The following TBC1D32 variants were observed in gnomAD, a reference collection of about 807,000 sequenced individuals.
TBC1D32 encodes the protein TBC1 domain family member 32.
TBC1D32 carries 151 observed loss-of-function variants against 170.3 expected under a neutral mutation model. The ratio of observed to expected loss-of-function variants is 0.89; its 90% confidence interval spans 0.78 to 1.01. The LOEUF is 1.01. Ranked by LOEUF, TBC1D32 falls within the 50% of genes least tolerant of loss-of-function variation. The pLI is 0.00. For synonymous variants in TBC1D32, 498 were observed against 488.0 expected (o/e 1.02, Z -0.27); for missense variants, 1,464 against 1,457.1 (o/e 1.00, Z -0.08).
chr6:121,159,138 C>G (rs1294456065), intron 24 of TBC1D32, among the ~76,000 whole-genome samples: 1 of 152,186 alleles, frequency 6.6e-6, no homozygotes, highest in African/African-American at 2.4e-5. Context: ...TATACATATT[C>G]TTCTTTGGAA....
At chr6:121,215,220 A>C (rs1793672053) in intron 21 of TBC1D32, among the ~76,000 whole-genome samples, 1 of 152,018 alleles carries the variant, frequency 6.6e-6, no homozygotes, top group African/African-American at 2.4e-5. Flanking sequence ...GTAAGTCCTC[A>C]CTCCAGTCTG....
intron 25 of TBC1D32, chr6:121,129,827 T>C (rs1781236676): frequency 4.8e-6 from 2 of 418,704 alleles, no homozygotes; most frequent in South Asian, 3.5e-5. Context: ...GTAGATACTA[T>C]TGGTAATAAT....
At chr6:121,106,982 A>C (rs983233787) in intron 29 of TBC1D32, among the ~76,000 whole-genome samples, 1 of 151,940 alleles carries the variant, frequency 6.6e-6, no homozygotes, top group Non-Finnish European at 1.5e-5. Flanking sequence ...ACAAAGAGTA[A>C]TAAACCTGAA....
chr6:121,101,582 G>A (rs1030278357), intron 30 of TBC1D32, among the ~76,000 whole-genome samples: 49 of 152,116 alleles, frequency 3.2e-4, no homozygotes, highest in African/African-American at 1.1e-3. Flanking sequence ...TTGATGGGAC[G>A]TATCTCAAAA....
At chr6:121,327,525 A>G (rs1046329707) in intron 1 of TBC1D32, among the ~76,000 whole-genome samples, 2 of 152,230 alleles carry the variant, frequency 1.3e-5, no homozygotes, top group Non-Finnish European at 2.9e-5. Context: ...GGATACCTCA[A>G]GAAGACTTTC....
At chr6:121,329,570 T>C (rs1225603628) in intron 1 of TBC1D32, among the ~76,000 whole-genome samples, 1 of 152,082 alleles carries the variant, frequency 6.6e-6, no homozygotes, top group Non-Finnish European at 1.5e-5. Context: ...GAGAATCACT[T>C]GAACCTGGGA....
chr6:121,324,157 T>C (rs1462137489), intron 1 of TBC1D32, among the ~76,000 whole-genome samples: 1 of 152,166 alleles, frequency 6.6e-6, no homozygotes, highest in Non-Finnish European at 1.5e-5. Flanking sequence ...CCCAAAGATG[T>C]AAAAATATCA....
intron 15 of TBC1D32, among the ~76,000 whole-genome samples, chr6:121,256,882 G>A (rs1409451113): frequency 5.9e-5 from 9 of 152,006 alleles, no homozygotes; most frequent in African/African-American, 2.2e-4. Flanking sequence ...ATATTGGCCA[G>A]ACTGGTCTCG....
chr6:121,319,997 A>G (rs1346893504), intron 2 of TBC1D32, among the ~76,000 whole-genome samples: 1 of 152,154 alleles, frequency 6.6e-6, no homozygotes, highest in East Asian at 1.9e-4. Context: ...ATTAACAATG[A>G]AATTCTACAG....
At chr6:121,297,541 T>C (rs1250715288) in intron 10 of TBC1D32, among the ~76,000 whole-genome samples, 1 of 152,072 alleles carries the variant, frequency 6.6e-6, no homozygotes, top group Non-Finnish European at 1.5e-5. Context: ...AGGTTAAATA[T>C]TTAGGCCGAC....
chr6:121,202,335 A>G (rs1244767113), intron 22 of TBC1D32, among the ~76,000 whole-genome samples: 5 of 150,108 alleles, frequency 3.3e-5, no homozygotes, highest in Admixed American at 6.6e-5. Flanking sequence ...AGTGTGTGAT[A>G]CACAGAAATG....
At chr6:121,208,123 A>AT (rs1792532211) in intron 21 of TBC1D32, among the ~76,000 whole-genome samples, 1 of 151,638 alleles carries the variant, frequency 6.6e-6, no homozygotes, top group Admixed American at 6.6e-5. Context: ...AAAAAAAAAG[A>AT]TATGTCCAAG....
In TBC1D32 at chr6:121,093,318, A is replaced by C. The variant is rs566881314; in HGVS notation, c.3466-2277T>G. On this transcript the variant is annotated intron_variant, in intron 30 of 31. Transcript: ENST00000398212. Reference sequence around the variant, plus strand: ...AAGTATCTCCTGCTCCCTCTCGACTAGGCAGACTGAAGCAGTCAGTAGTAC... The same window carrying C: ...AAGTATCTCCTGCTCCCTCTCGACTCGGCAGACTGAAGCAGTCAGTAGTAC... 5.3e-5 allele frequency among the ~76,000 whole-genome samples: 8 copies of C among 152,206 alleles called. 1 individual carries two copies. The highest frequency in any genetic ancestry group is 1.9e-4 in the African/African-American group (8 of 41,540).
intron 22 of TBC1D32, chr6:121,170,359 C>A: frequency 6.6e-7 from 1 of 1,513,996 alleles, no homozygotes; most frequent in Non-Finnish European, 8.8e-7. Context: ...AACAAAACAT[C>A]TCTAAAGAAA....
At chr6:121,159,767 T>C (rs1377408093) in intron 24 of TBC1D32, among the ~76,000 whole-genome samples, 1 of 152,196 alleles carries the variant, frequency 6.6e-6, no homozygotes, top group Non-Finnish European at 1.5e-5. Context: ...AAATGTGGTA[T>C]AATAATCTTA....
chr6:121,248,262 A>T (rs1241157633), intron 17 of TBC1D32, among the ~76,000 whole-genome samples: 1 of 152,114 alleles, frequency 6.6e-6, no homozygotes, highest in East Asian at 1.9e-4. Flanking sequence ...AAATCATTTG[A>T]AATAAATGAT....
chr6:121,090,585 A>ATT (rs1156567370), intron 31 of TBC1D32, among the ~76,000 whole-genome samples: 1 of 152,162 alleles, frequency 6.6e-6, no homozygotes, highest in East Asian at 1.9e-4. Context: ...ATATTTTTAC[A>ATT]ATATTTCTTT....
chr6:121,145,296 G>A (rs1158291163), intron 24 of TBC1D32, among the ~76,000 whole-genome samples: 2 of 152,120 alleles, frequency 1.3e-5, no homozygotes, highest in East Asian at 3.9e-4. Flanking sequence ...TAAAAAGAGA[G>A]AAATCCTATC....
At chr6:121,241,943 A>G (rs1797036425) in intron 18 of TBC1D32, among the ~76,000 whole-genome samples, 1 of 152,208 alleles carries the variant, frequency 6.6e-6, no homozygotes, top group Admixed American at 6.5e-5. Context: ...GTTTGATATC[A>G]TAATTATAAA....
Sources: allele counts gnomAD v4.1 joint callset (sites outside exome capture counted in the v4.1 genomes callset), GRCh38; gene constraint gnomAD v4.1.1; transcripts MANE v1.5; gene names NCBI Gene and HGNC (gene_info 2026-07-23, HGNC 2026-07-21).